The following DCDC1 variants were observed in gnomAD, a reference collection of about 807,000 sequenced individuals.
The protein encoded by DCDC1 is doublecortin domain-containing protein 1.
A neutral mutation model predicts 178.3 loss-of-function variants in DCDC1; 200 were observed. The ratio of observed to expected loss-of-function variants is 1.12; its 90% CI spans 1.00 to 1.26. The LOEUF is 1.26. Among genes scored for constraint, DCDC1 ranks in the 50% most tolerant of loss-of-function variants. The pLI is 0.00. For missense variants in DCDC1, 1,983 were observed against 1,749.2 expected (o/e 1.13, Z -2.38); for synonymous variants, 690 against 604.8 (o/e 1.14, Z -2.07).
intron 31 of DCDC1, 146 bp downstream of exon 31, chr11:30,904,815 A>C: frequency 1.1e-6 from 1 of 888,850 alleles, no homozygotes; most frequent in Non-Finnish European, 1.7e-6. Flanking sequence ...GTCTTTAAGT[A>C]AACAGAGATC....
intron 9 of DCDC1, among the ~76,000 whole-genome samples, chr11:31,157,644 A>G (rs2136139795): frequency 6.6e-6 from 1 of 152,158 alleles, no homozygotes; most frequent in South Asian, 2.1e-4. Context: ...TCAAATTCAT[A>G]AAAAACAGGA....
intron 33 of DCDC1, 54 bp from the exon 34 acceptor site, chr11:30,899,696 C>T (rs1944516418): frequency 8.2e-7 from 1 of 1,222,744 alleles, no homozygotes; most frequent in African/African-American, 1.6e-5. Context: ...TCACGCGCAC[C>T]AATAATTTAT....
intron 38 of DCDC1, among the ~76,000 whole-genome samples, chr11:30,867,500 GT>G (rs1941105944): frequency 6.6e-6 from 1 of 152,196 alleles, no homozygotes; most frequent in Admixed American, 6.5e-5. Flanking sequence ...AAAAATGTTA[GT>G]GCCCTTCTCT....
chr11:31,044,534 G>A (rs989633279), intron 20 of DCDC1, among the ~76,000 whole-genome samples: 3 of 150,348 alleles, frequency 2.0e-5, no homozygotes, highest in African/African-American at 7.4e-5. Context: ...TGCTAGCTCT[G>A]AAGATGGAAG....
rs551006081 is a variant in DCDC1, at chr11:30,900,017, C to T, written c.4663+329G>A. Among the ~76,000 whole-genome samples, 11 of 152,142 alleles carry T rather than the reference C, an allele frequency of 7.2e-5. No homozygotes were observed. In the East Asian group the frequency reaches 2.1e-3, roughly 29 times the overall value. On this transcript the variant is annotated intron_variant, in intron 33 of 38. Coordinates refer to ENST00000684477, the MANE Select transcript of DCDC1 (RefSeq NM_001387274.1). ...TAAAAATGAAAATGTGCAGACAGGT[C>T]GTCCTCAGTGTGAATTAAACTCATT...
At position 30,922,621 on chromosome 11, in the gene DCDC1, T is replaced by C. The variant is rs764561101; in HGVS notation, c.3015A>G (p.Gly1005=). 2 of 1,558,526 alleles carry C rather than the reference T, an allele frequency of 1.3e-6. No homozygotes were observed. Among genetic ancestry groups the C allele is most frequent in the East Asian group, 4.8e-5 (2 of 41,420 alleles). The part of the protein sequence containing the change: ...QRDELVYVSC[G]ELWINPDLSI... ...ACAGGTCAGGATTGATCCAGAGTTCTCCACATGAAACATACACCTATCAAA... is the reference window on the plus strand; with the variant it reads ...ACAGGTCAGGATTGATCCAGAGTTCCCCACATGAAACATACACCTATCAAA... Residue 1005 remains glycine, a synonymous_variant, in exon 24 of 39, where the codon GGA becomes GGG. Coordinates refer to ENST00000684477, the MANE Select transcript of DCDC1 (RefSeq NM_001387274.1).
chr11:31,189,058 G>A (rs903359964), intron 9 of DCDC1, among the ~76,000 whole-genome samples: 2 of 152,092 alleles, frequency 1.3e-5, no homozygotes, highest in African/African-American at 4.8e-5. Flanking sequence ...GAATTTGTTG[G>A]TGCCTTCATC....
chr11:31,355,158 C>T (rs1335096233), intron 1 of DCDC1, among the ~76,000 whole-genome samples: 1 of 152,128 alleles, frequency 6.6e-6, no homozygotes, highest in African/African-American at 2.4e-5. Context: ...GGAACAAACA[C>T]TTGAAACTTG....
chr11:31,024,265 A>G (rs796300867), intron 20 of DCDC1, among the ~76,000 whole-genome samples: 12 of 152,120 alleles, frequency 7.9e-5, no homozygotes, highest in African/African-American at 2.9e-4. Context: ...AAGCATATGA[A>G]TGACAACTAG....
At chr11:31,160,749 A>C (rs1966238867) in intron 9 of DCDC1, among the ~76,000 whole-genome samples, 1 of 152,178 alleles carries the variant, frequency 6.6e-6, no homozygotes. Context: ...TTTCTTTAAA[A>C]AGTTACAAAT....
intron 11 of DCDC1, among the ~76,000 whole-genome samples, chr11:31,126,077 C>G: frequency 6.6e-6 from 1 of 151,940 alleles, no homozygotes; most frequent in East Asian, 1.9e-4. Flanking sequence ...TGAGGGAAAA[C>G]AAAACACTTT....
At chr11:31,191,456 C>G (rs781279766) in intron 9 of DCDC1, among the ~76,000 whole-genome samples, 1 of 152,012 alleles carries the variant, frequency 6.6e-6, no homozygotes, top group Non-Finnish European at 1.5e-5. Context: ...TCAAGGAAGA[C>G]AGAAGAGAGT....
At chr11:30,938,089 C>T (rs1590436091) in intron 21 of DCDC1, among the ~76,000 whole-genome samples, 1 of 152,190 alleles carries the variant, frequency 6.6e-6, no homozygotes, top group African/African-American at 2.4e-5. Context: ...GCCAACCTCT[C>T]CACATCCTCT....
chr11:30,926,870 G>C (rs1946623073), intron 22 of DCDC1, among the ~76,000 whole-genome samples: 1 of 152,210 alleles, frequency 6.6e-6, no homozygotes, highest in Admixed American at 6.5e-5. Context: ...GTCAAGATAG[G>C]AGGACCACTT....
rs564993954 is a variant in DCDC1 at position 31,300,269 on chromosome 11, T to C, written c.754+5346A>G. Among the ~76,000 whole-genome samples the C allele has an allele frequency of 3.3e-5, 5 of 152,300 alleles. No individual in the cohort carries two copies. In the East Asian group the frequency reaches 9.6e-4, roughly 29 times the overall value. Reference sequence around the variant, plus strand: ...GCTTTCCTGGCAGTGATGAAGAAAGTAGAAACAAATTTTGTTGTTGTTGTT... The same window carrying C: ...GCTTTCCTGGCAGTGATGAAGAAAGCAGAAACAAATTTTGTTGTTGTTGTT... On this transcript the variant is annotated intron_variant, in intron 6 of 38. Coordinates refer to ENST00000684477, the MANE Select transcript of DCDC1 (RefSeq NM_001387274.1).
intron 1 of DCDC1, among the ~76,000 whole-genome samples, chr11:31,352,199 C>T (rs1951107411): frequency 6.6e-6 from 1 of 152,070 alleles, no homozygotes; most frequent in South Asian, 2.1e-4. Context: ...TGCTCTAGGG[C>T]TTACCTTGTG....
intron 7 of DCDC1, among the ~76,000 whole-genome samples, chr11:31,272,545 G>T (rs1489711460): frequency 6.6e-6 from 1 of 152,178 alleles, no homozygotes; most frequent in African/African-American, 2.4e-5. Flanking sequence ...GATAAAATGG[G>T]GGTACAGGCA....
At chr11:30,944,666 C>T (rs1947887994) in intron 21 of DCDC1, among the ~76,000 whole-genome samples, 1 of 151,996 alleles carries the variant, frequency 6.6e-6, no homozygotes, top group Non-Finnish European at 1.5e-5. Flanking sequence ...TTTGAGTTTC[C>T]CTGCTTGGTA....
intron 9 of DCDC1, among the ~76,000 whole-genome samples, chr11:31,171,119 C>T (rs1967171522): frequency 1.3e-5 from 2 of 152,110 alleles, no homozygotes; most frequent in African/African-American, 2.4e-5. Flanking sequence ...TGAGCCATTG[C>T]GCCAGGCTGA....
Sources: allele counts gnomAD v4.1 joint callset (sites outside exome capture counted in the v4.1 genomes callset), GRCh38; gene constraint gnomAD v4.1.1; transcripts MANE v1.5; gene names NCBI Gene and HGNC (gene_info 2026-07-23, HGNC 2026-07-21).